HNF4G: variants seen among roughly 807,000 people sequenced by gnomAD.
The protein encoded by HNF4G is hepatocyte nuclear factor 4-gamma.
In HNF4G, 21 loss-of-function variants were observed where a neutral mutation model predicts 50.9. The observed-to-expected ratio is 0.41, with a 90% CI of 0.29 to 0.59. The LOEUF (loss-of-function observed/expected upper bound fraction) is 0.59, where lower values mean the gene tolerates loss of function less well. Ranked by LOEUF, HNF4G falls within the 20% of genes least tolerant of loss-of-function variation. HNF4G has a pLI of 0.26. For missense variants in HNF4G, 527 were observed against 559.4 expected (o/e 0.94, Z 0.58); for synonymous variants, 198 against 185.6 (o/e 1.07, Z -0.54).
chr8:75,482,299 C>T (rs572522733), intron 1 of HNF4G, among the ~76,000 whole-genome samples: 1 of 152,186 alleles, frequency 6.6e-6, no homozygotes, highest in Admixed American at 6.5e-5. Flanking sequence ...ATGGGACCTC[C>T]TTGTATTGAT....
intron 1 of HNF4G, among the ~76,000 whole-genome samples, chr8:75,463,100 G>A (rs1811892432): frequency 2.8e-5 from 4 of 145,268 alleles, no homozygotes; most frequent in African/African-American, 7.7e-5. Flanking sequence ...CTTAAATTTA[G>A]GAATCTGAAT....
intron 1 of HNF4G, among the ~76,000 whole-genome samples, chr8:75,471,102 TA>T (rs1466578438): frequency 6.6e-6 from 1 of 152,152 alleles, no homozygotes; most frequent in Non-Finnish European, 1.5e-5. Flanking sequence ...ACAATCAAAA[TA>T]AAAAATGCTT....
intron 2 of HNF4G, among the ~76,000 whole-genome samples, chr8:75,545,239 ATGTGTGTGTGTG>A (rs57486410): frequency 4.1e-5 from 6 of 145,486 alleles, no homozygotes; most frequent in African/African-American, 1.3e-4. Context: ...TTAAAATTGA[ATGTGTGTGTGTG>A]TGTGTGTGTG....
chr8:75,548,056 T>A (rs1164354146), intron 3 of HNF4G, among the ~76,000 whole-genome samples: 1 of 151,292 alleles, frequency 6.6e-6, no homozygotes, highest in East Asian at 1.9e-4. Context: ...AGTGGCATGA[T>A]CATGGCTCAC....
chr8:75,437,933 T>A (rs1200920259), intron 1 of HNF4G, among the ~76,000 whole-genome samples: 1 of 152,148 alleles, frequency 6.6e-6, no homozygotes, highest in Non-Finnish European at 1.5e-5. Context: ...ATTCCACAAT[T>A]ATTTCTAAAT....
intron 2 of HNF4G, among the ~76,000 whole-genome samples, chr8:75,503,116 C>T (rs1812974957): frequency 6.6e-6 from 1 of 152,094 alleles, no homozygotes; most frequent in Non-Finnish European, 1.5e-5. Flanking sequence ...TAGAAAACTT[C>T]ATAGGTAAAT....
chr8:75,509,638 G>A (rs1295785720), intron 2 of HNF4G, among the ~76,000 whole-genome samples: 1 of 152,178 alleles, frequency 6.6e-6, no homozygotes, highest in Non-Finnish European at 1.5e-5. Flanking sequence ...ACACAGTCAC[G>A]TGATGTATAA....
At chr8:75,541,886 G>A (rs1465243495) in intron 1 of HNF4G, among the ~76,000 whole-genome samples, 1 of 152,072 alleles carries the variant, frequency 6.6e-6, no homozygotes. Flanking sequence ...GACTAAATAA[G>A]ACAGATAAAT....
chr8:75,461,139 C>T (rs979778424), intron 1 of HNF4G, among the ~76,000 whole-genome samples: 2 of 152,152 alleles, frequency 1.3e-5, no homozygotes, highest in Non-Finnish European at 2.9e-5. Context: ...CAAATTACCA[C>T]GAACTGAGTG....
intron 1 of HNF4G, among the ~76,000 whole-genome samples, chr8:75,468,107 G>T (rs1458115742): frequency 2.6e-5 from 4 of 152,086 alleles, no homozygotes; most frequent in African/African-American, 9.7e-5. Context: ...TAGTTAAAAA[G>T]AAAACCATTT....
intron 1 of HNF4G, among the ~76,000 whole-genome samples, chr8:75,444,956 C>A (rs1223779340): frequency 1.4e-5 from 2 of 145,902 alleles, no homozygotes; most frequent in Non-Finnish European, 3.0e-5. Context: ...AACTCTGCAC[C>A]CCAAATCAAC....
chr8:75,529,328 C>T (rs573377518), intron 2 of HNF4G, among the ~76,000 whole-genome samples: 8 of 152,026 alleles, frequency 5.3e-5, no homozygotes, highest in African/African-American at 1.9e-4. Flanking sequence ...AATTCCCTCA[C>T]TACCATCAGA....
At chr8:75,427,774 C>T (rs1810921892) in intron 1 of HNF4G, among the ~76,000 whole-genome samples, 1 of 151,634 alleles carries the variant, frequency 6.6e-6, no homozygotes, top group Non-Finnish European at 1.5e-5. Context: ...GGAAAATAAA[C>T]AGAATTTATA....
intron 4 of HNF4G, 82 bp downstream of exon 4, chr8:75,551,576 T>C (rs568761867): frequency 3.8e-6 from 3 of 794,184 alleles, no homozygotes; most frequent in East Asian, 5.1e-5. Flanking sequence ...AATCTAAGTT[T>C]TTTCAAAGGT....
rs926282936 is a variant in HNF4G, at chr8:75,441,788, A to G, written c.-144+33626A>G. Among the ~76,000 whole-genome samples, 104 of 152,318 alleles carry G rather than the reference A, an allele frequency of 6.8e-4. 1 individual carries two copies. Among genetic ancestry groups the G allele is most frequent in the African/African-American group, 2.4e-3 (101 of 41,582 alleles). ...TTATCCCATCACAAACTTGTAGCAA[A>G]CAATCAGCGAACTGGCTTGGGTCCA... On this transcript the variant is annotated intron_variant, in intron 1 of 10. Transcript: ENST00000354370.
rs765844497 is a variant in HNF4G at position 75,429,358 on chromosome 8, CTCTT to C, written c.-144+21200_-144+21203del. On this transcript the variant is annotated intron_variant, in intron 1 of 10. Transcript: ENST00000354370. Reference sequence around the variant, plus strand: ...ATATAGTGTAACTCCATTTTTCTCTCTCTTTCTCTCTTTTTTTTTCTTTAGACAA... The same window carrying C: ...ATATAGTGTAACTCCATTTTTCTCTCTCTCTCTTTTTTTTTCTTTAGACAA... Among the ~76,000 whole-genome samples the C allele has an allele frequency of 5.1e-4, 77 of 152,202 alleles. 1 individual carries two copies. The highest frequency in any genetic ancestry group is 1.5e-3 in the African/African-American group (62 of 41,550).
intron 1 of HNF4G, among the ~76,000 whole-genome samples, chr8:75,472,962 G>A (rs1431110328): frequency 1.3e-5 from 2 of 152,306 alleles, no homozygotes; most frequent in African/African-American, 4.8e-5. Context: ...TTTAAACAAT[G>A]GGCTGGTCTT....
At chr8:75,517,980 CT>C (rs35972014) in intron 2 of HNF4G, among the ~76,000 whole-genome samples, 7 of 149,210 alleles carry the variant, frequency 4.7e-5, no homozygotes, top group Admixed American at 6.7e-5. Flanking sequence ...AACCTCAATT[CT>C]TTTTTTTTTA....
chr8:75,539,936 G>A lies in HNF4G; in HGVS notation c.-27G>A. On this transcript the variant is annotated 5_prime_UTR_variant, in exon 1 of 10. Transcript: ENST00000396423. ...TCATCACGCACTCTGGGCTTGTGGT[G>A]CCACTTGTATGTGTGTTTCTAAATC... 3.8e-6 allele frequency: 4 copies of A among 1,040,842 alleles called. No homozygotes were observed. Among genetic ancestry groups the A allele is most frequent in the Non-Finnish European group, 6.1e-6 (4 of 660,360 alleles). The allele number at this position is 1,040,842 out of a possible 1,614,324, so 64.5% of individuals were successfully genotyped here. A position where few individuals can be genotyped will look rare whatever the true frequency, so the allele number is the denominator to read the frequency against.
Sources: allele counts gnomAD v4.1 joint callset (sites outside exome capture counted in the v4.1 genomes callset), GRCh38; gene constraint gnomAD v4.1.1; transcripts MANE v1.5; gene names NCBI Gene and HGNC (gene_info 2026-07-23, HGNC 2026-07-21).